Variants in STXBP5L observed in about 807,000 individuals in gnomAD.
STXBP5L encodes syntaxin binding protein 5L.
STXBP5L carries 65 observed loss-of-function variants against 144.5 expected under a neutral mutation model. The ratio of observed to expected loss-of-function variants is 0.45; its 90% CI spans 0.37 to 0.55. The LOEUF is 0.55. STXBP5L is among the 20% of genes least tolerant of loss of function. The pLI, the probability that STXBP5L is intolerant of heterozygous loss-of-function variation, is 0.00. For synonymous variants in STXBP5L, 505 were observed against 469.6 expected (o/e 1.08, Z -0.97); for missense variants, 1,298 against 1,405.5 (o/e 0.92, Z 1.22).
chr3:121,135,496 G>A (rs1201952582), intron 7 of STXBP5L, among the ~76,000 whole-genome samples: 2 of 152,100 alleles, frequency 1.3e-5, no homozygotes, highest in Non-Finnish European at 2.9e-5. Context: ...TCCCATCTGG[G>A]GGTGATGGAT....
At chr3:120,981,315 C>T (rs1200355824) in intron 3 of STXBP5L, among the ~76,000 whole-genome samples, 2 of 152,080 alleles carry the variant, frequency 1.3e-5, no homozygotes, top group African/African-American at 2.4e-5. Context: ...TTTACATCTT[C>T]TTCTGAAACA....
At chr3:120,964,942 A>G (rs1380766495) in intron 3 of STXBP5L, among the ~76,000 whole-genome samples, 1 of 152,148 alleles carries the variant, frequency 6.6e-6, no homozygotes, top group Non-Finnish European at 1.5e-5. Context: ...TTGCTGTATG[A>G]ATCTGGGTGC....
chr3:121,047,241 T>C (rs1035435225), intron 5 of STXBP5L, among the ~76,000 whole-genome samples: 3 of 152,206 alleles, frequency 2.0e-5, no homozygotes, highest in Non-Finnish European at 4.4e-5. Flanking sequence ...TCATTTTTTT[T>C]AGATTTTCTG....
At chr3:121,267,662 C>A (rs2050610980) in intron 18 of STXBP5L, among the ~76,000 whole-genome samples, 1 of 152,130 alleles carries the variant, frequency 6.6e-6, no homozygotes, top group African/African-American at 2.4e-5. Context: ...ATCTATCCAT[C>A]TGACAAAGGT....
intron 4 of STXBP5L, among the ~76,000 whole-genome samples, chr3:121,044,638 G>C (rs759752591): frequency 1.3e-5 from 2 of 152,114 alleles, no homozygotes; most frequent in African/African-American, 2.4e-5. Context: ...CTGGTTAGCT[G>C]TCATTATGGT....
At chr3:121,367,912 A>T (rs531360958) in intron 20 of STXBP5L, among the ~76,000 whole-genome samples, 2 of 150,450 alleles carry the variant, frequency 1.3e-5, no homozygotes, top group South Asian at 2.1e-4. Context: ...GGCATGAGCC[A>T]TCTTTGACTT....
chr3:121,089,483 C>T (rs1328367576), intron 5 of STXBP5L, among the ~76,000 whole-genome samples: 1 of 151,434 alleles, frequency 6.6e-6, no homozygotes, highest in Non-Finnish European at 1.5e-5. Context: ...TGGAAATTTT[C>T]TCCCATAGTT....
At chr3:121,331,045 C>G (rs1225622062) in intron 20 of STXBP5L, among the ~76,000 whole-genome samples, 1 of 152,182 alleles carries the variant, frequency 6.6e-6, no homozygotes, top group Non-Finnish European at 1.5e-5. Flanking sequence ...GGCAGCTAGA[C>G]CCAGAAGAGC....
chr3:120,994,320 C>G (rs1213745893), intron 3 of STXBP5L, among the ~76,000 whole-genome samples: 1 of 151,926 alleles, frequency 6.6e-6, no homozygotes, highest in Admixed American at 6.6e-5. Context: ...ATTTTCAGTA[C>G]TATGTTTTAT....
intron 3 of STXBP5L, among the ~76,000 whole-genome samples, chr3:121,036,913 CT>C: frequency 6.6e-6 from 1 of 150,704 alleles, no homozygotes; most frequent in South Asian, 2.1e-4. Flanking sequence ...TTATATAATT[CT>C]TTAAAAAATT....
At chr3:121,311,681 T>G (rs1023589429) in intron 19 of STXBP5L, among the ~76,000 whole-genome samples, 2 of 151,994 alleles carry the variant, frequency 1.3e-5, no homozygotes, top group African/African-American at 2.4e-5. Flanking sequence ...CACTGCTCAA[T>G]GAAATAAAAG....
At chr3:121,276,273 C>T (rs1387954815) in intron 18 of STXBP5L, among the ~76,000 whole-genome samples, 2 of 151,970 alleles carry the variant, frequency 1.3e-5, no homozygotes, top group Non-Finnish European at 2.9e-5. Flanking sequence ...ATTTTAATAA[C>T]TTTACAACAG....
At chr3:121,070,586 C>G (rs979541322) in intron 5 of STXBP5L, among the ~76,000 whole-genome samples, 2 of 152,050 alleles carry the variant, frequency 1.3e-5, no homozygotes, top group African/African-American at 4.8e-5. Flanking sequence ...GTAAAGAGCA[C>G]CACAGTTAGC....
intron 3 of STXBP5L, among the ~76,000 whole-genome samples, chr3:121,007,783 A>G (rs1944456336): frequency 6.6e-6 from 1 of 152,012 alleles, no homozygotes; most frequent in Non-Finnish European, 1.5e-5. Flanking sequence ...GCCTGCATAG[A>G]AATTGTAATG....
At chr3:121,370,102 A>G (rs868058728) in intron 20 of STXBP5L, among the ~76,000 whole-genome samples, 5 of 152,186 alleles carry the variant, frequency 3.3e-5, no homozygotes, top group Middle Eastern at 3.2e-3. Context: ...GCAGTGGCTC[A>G]TGTTTGTAAA....
intron 7 of STXBP5L, among the ~76,000 whole-genome samples, chr3:121,133,164 G>GT (rs1233021238): frequency 6.6e-6 from 1 of 152,074 alleles, no homozygotes; most frequent in Non-Finnish European, 1.5e-5. Flanking sequence ...GAGCCCAAGA[G>GT]TTTGAGACCA....
At chr3:121,155,667 TA>T (rs1295393305) in intron 8 of STXBP5L, among the ~76,000 whole-genome samples, 1 of 151,838 alleles carries the variant, frequency 6.6e-6, no homozygotes, top group Non-Finnish European at 1.5e-5. Context: ...TAGAATCTAA[TA>T]AATAGAAATT....
At chr3:121,107,384 A>AT (rs34070110) in intron 5 of STXBP5L, among the ~76,000 whole-genome samples, 15,104 of 151,962 alleles carry the variant, frequency 0.099, 1,182 homozygotes, top group Admixed American at 0.2. Context: ...TCTTGAGTTA[A>AT]TTTTTTTATA....
chr3:121,028,705 A>G (rs1324888757), intron 3 of STXBP5L, among the ~76,000 whole-genome samples: 1 of 152,094 alleles, frequency 6.6e-6, no homozygotes, highest in African/African-American at 2.4e-5. Flanking sequence ...AAAATAAAAG[A>G]AAACCTACCA....
Sources: allele counts gnomAD v4.1 joint callset (sites outside exome capture counted in the v4.1 genomes callset), GRCh38; gene constraint gnomAD v4.1.1; transcripts MANE v1.5; gene names NCBI Gene and HGNC (gene_info 2026-07-23, HGNC 2026-07-21).